STK39: variants seen among roughly 807,000 people sequenced by gnomAD.
STK39 encodes STE20/SPS1-related proline-alanine-rich protein kinase.
Under a neutral mutation model 77.8 loss-of-function variants are expected in STK39, and 20 were observed. The ratio of observed to expected loss-of-function variants is 0.26; its 90% CI spans 0.18 to 0.37. STK39 has a LOEUF of 0.37. Ranked by LOEUF, STK39 falls within the 10% of genes least tolerant of loss-of-function variation. STK39 has a pLI of 1.00. For missense variants in STK39, 479 were observed against 656.5 expected (o/e 0.73, Z 2.95); for synonymous variants, 246 against 234.1 (o/e 1.05, Z -0.47).
chr2:168,028,974 G>C (rs1237360049), intron 14 of STK39, among the ~76,000 whole-genome samples: 3 of 152,196 alleles, frequency 2.0e-5, no homozygotes, highest in Non-Finnish European at 4.4e-5. Flanking sequence ...TACATTCTGA[G>C]ATAAATGCAT....
At chr2:168,159,458 T>C (rs1386892992) in intron 5 of STK39, among the ~76,000 whole-genome samples, 2 of 152,150 alleles carry the variant, frequency 1.3e-5, no homozygotes, top group African/African-American at 4.8e-5. Context: ...AGCAACCAAG[T>C]ACCTGACCAA....
chr2:167,995,453 T>C (rs1028481706), intron 16 of STK39, among the ~76,000 whole-genome samples: 1 of 152,132 alleles, frequency 6.6e-6, no homozygotes. Flanking sequence ...TTTCTTTAAG[T>C]TCAGAACAAA....
chr2:167,988,213 C>A (rs79953365), intron 16 of STK39, among the ~76,000 whole-genome samples: 7,668 of 152,196 alleles, frequency 0.05, 691 homozygotes, highest in African/African-American at 0.17. Flanking sequence ...CTGCTGGTGC[C>A]CCTTATGCAT....
rs188481298 is a variant in STK39, at chr2:168,220,793, C to T, written c.208+26435G>A. 5.9e-5 allele frequency among the ~76,000 whole-genome samples: 9 copies of T among 152,178 alleles called. No homozygotes were observed. The East Asian group carries it at 7.7e-4, about 13-fold the overall frequency. On this transcript the variant is annotated intron_variant, in intron 1 of 17. Coordinates refer to ENST00000355999, the MANE Select transcript of STK39 (RefSeq NM_013233.3). Reference sequence around the variant, plus strand: ...AAGATAATACAATTGAACATGTGTCCGACTGAGGAGATTAAGATTATACAC... The same window carrying T: ...AAGATAATACAATTGAACATGTGTCTGACTGAGGAGATTAAGATTATACAC...
At chr2:168,019,196 C>G (rs574100489) in intron 14 of STK39, among the ~76,000 whole-genome samples, 115 of 152,196 alleles carry the variant, frequency 7.6e-4, no homozygotes, top group African/African-American at 2.0e-3. Flanking sequence ...GGATCCTCAC[C>G]CTAAAAGAAA....
intron 1 of STK39, among the ~76,000 whole-genome samples, chr2:168,221,651 C>A (rs1690173696): frequency 6.6e-6 from 1 of 152,120 alleles, no homozygotes; most frequent in Admixed American, 6.5e-5. Context: ...CGATTAGTTA[C>A]CACACCTCCA....
intron 5 of STK39, among the ~76,000 whole-genome samples, chr2:168,154,319 C>T (rs1046439906): frequency 1.3e-4 from 20 of 152,104 alleles, no homozygotes; most frequent in Admixed American, 8.5e-4. Flanking sequence ...ATTTGAGAGC[C>T]TAAGCACATC....
At chr2:168,115,140 G>A (rs1488907569) in intron 10 of STK39, among the ~76,000 whole-genome samples, 1 of 152,118 alleles carries the variant, frequency 6.6e-6, no homozygotes, top group Non-Finnish European at 1.5e-5. Context: ...AGAACCACCA[G>A]AAGATCTGGA....
At chr2:168,002,400 T>C (rs1684023394) in intron 16 of STK39, among the ~76,000 whole-genome samples, 1 of 152,174 alleles carries the variant, frequency 6.6e-6, no homozygotes, top group African/African-American at 2.4e-5. Context: ...ACACTCCTTT[T>C]CCCCATCCCC....
chr2:167,996,021 T>C (rs1683829585), intron 16 of STK39, among the ~76,000 whole-genome samples: 1 of 152,156 alleles, frequency 6.6e-6, no homozygotes, highest in African/African-American at 2.4e-5. Context: ...ATTTTCATCT[T>C]GCACTGGGCC....
chr2:168,065,407 A>G, intron 12 of STK39, 26 bp from the exon 13 acceptor site: 1 of 1,613,348 alleles, frequency 6.2e-7, no homozygotes, highest in Non-Finnish European at 8.5e-7. Flanking sequence ...CCGTTACAGC[A>G]TTCAAGAAAG....
intron 3 of STK39, among the ~76,000 whole-genome samples, chr2:168,166,801 T>C (rs930245971): frequency 2.6e-4 from 40 of 152,280 alleles, no homozygotes; most frequent in African/African-American, 9.6e-4. Flanking sequence ...TCACAGAACA[T>C]TCTGATAAAT....
At chr2:168,240,354 G>A (rs1690728521) in intron 1 of STK39, among the ~76,000 whole-genome samples, 1 of 152,202 alleles carries the variant, frequency 6.6e-6, no homozygotes, top group Non-Finnish European at 1.5e-5. Flanking sequence ...TGGTATAGCA[G>A]TATCTTTCTG....
intron 14 of STK39, among the ~76,000 whole-genome samples, chr2:168,019,301 A>G (rs1364628947): frequency 6.6e-6 from 1 of 152,232 alleles, no homozygotes; most frequent in African/African-American, 2.4e-5. Context: ...GAGAGAGACC[A>G]CATTCACATA....
intron 17 of STK39, among the ~76,000 whole-genome samples, chr2:167,957,259 T>G (rs193066157): frequency 6.6e-6 from 1 of 152,334 alleles, no homozygotes; most frequent in East Asian, 1.9e-4. Flanking sequence ...GGAATTTACT[T>G]TGTACCTATC....
chr2:168,163,602 T>C lies in STK39; in HGVS notation c.572+137A>G, dbSNP rs558494114. The C allele has an allele frequency of 1.2e-3, 1,839 of 1,585,336 alleles. 4 individuals are homozygous for C. The highest frequency in any genetic ancestry group is 1.3e-3 in the Non-Finnish European group (1,561 of 1,173,418). ...ATTCTTTACAAACTAGGGCTGAAGA[T>C]ATGAACATCTGAATTTAAACATCTC... On this transcript the variant is annotated intron_variant, in intron 4 of 17. Transcript: ENST00000355999.
chr2:168,131,933 T>G (rs547229268), intron 8 of STK39, among the ~76,000 whole-genome samples: 2 of 152,328 alleles, frequency 1.3e-5, no homozygotes, highest in African/African-American at 4.8e-5. Context: ...GGCATTATGC[T>G]AGGTGCTAGG....
At chr2:168,200,945 T>C (rs971942345) in intron 1 of STK39, among the ~76,000 whole-genome samples, 6 of 152,228 alleles carry the variant, frequency 3.9e-5, no homozygotes, top group Admixed American at 3.9e-4. Context: ...AAGACTTATT[T>C]GACAGACATC....
At chr2:168,233,506 T>G (rs1690514384) in intron 1 of STK39, among the ~76,000 whole-genome samples, 2 of 152,212 alleles carry the variant, frequency 1.3e-5, no homozygotes. Flanking sequence ...AAATAGTGCT[T>G]GCTGAGTTAG....
Sources: gnomAD v4.1 joint callset for allele counts (sites outside exome capture counted in the v4.1 genomes callset) on GRCh38, gnomAD v4.1.1 for gene constraint, MANE v1.5 for transcripts, NCBI Gene and HGNC (gene_info 2026-07-23, HGNC 2026-07-21) for gene names.